Variants in KPNA3 observed in about 807,000 individuals in gnomAD.
KPNA3 encodes the protein karyopherin subunit alpha 3, also known as importin subunit alpha-4.
A neutral mutation model predicts 73.8 loss-of-function variants in KPNA3; 13 were observed. The observed-to-expected ratio is 0.18, with a 90% CI of 0.11 to 0.28. The LOEUF is 0.28. Among genes scored for constraint, KPNA3 ranks in the 10% least tolerant of loss-of-function variants. The pLI, the probability that KPNA3 is intolerant of heterozygous loss-of-function variation, is 1.00. For synonymous variants in KPNA3, 186 were observed against 206.9 expected (o/e 0.90, Z 0.87); for missense variants, 360 against 618.1 (o/e 0.58, Z 4.43).
intron 11 of KPNA3, among the ~76,000 whole-genome samples, chr13:49,709,984 G>A (rs1954244871): frequency 6.6e-6 from 1 of 152,162 alleles, no homozygotes; most frequent in South Asian, 2.1e-4. Context: ...TCTTAAGGCT[G>A]GGCATGGTGG....
At chr13:49,710,202 C>T (rs552993867) in intron 11 of KPNA3, among the ~76,000 whole-genome samples, 4 of 152,144 alleles carry the variant, frequency 2.6e-5, no homozygotes, top group African/African-American at 4.8e-5. Context: ...GCAGAGGCTG[C>T]GGTGAGCAGA....
At chr13:49,783,855 T>C (rs1954960414) in intron 1 of KPNA3, among the ~76,000 whole-genome samples, 1 of 152,208 alleles carries the variant, frequency 6.6e-6, no homozygotes, top group Non-Finnish European at 1.5e-5. Context: ...CGATCATTCT[T>C]ATTATCATTA....
intron 10 of KPNA3, among the ~76,000 whole-genome samples, chr13:49,712,894 A>C (rs995644614): frequency 2.6e-5 from 4 of 152,020 alleles, no homozygotes; most frequent in African/African-American, 9.7e-5. Flanking sequence ...GAAAAAAAAA[A>C]ACACAGGGAC....
Position 49,722,037 on chromosome 13 carries a change from G to A in KPNA3, c.644C>T (p.Thr215Ile), listed in dbSNP as rs768849258. The A allele has an allele frequency of 1.9e-6, 3 of 1,612,108 alleles. No homozygotes were observed. Among genetic ancestry groups the A allele is most frequent in the Non-Finnish European group, 2.5e-6 (3 of 1,178,660 alleles). The change falls in exon 9 of 17, where the codon ACC becomes ATC. Residue 215 changes from threonine (T) to isoleucine (I), a missense_variant. Coordinates refer to ENST00000261667, the MANE Select transcript of KPNA3 (RefSeq NM_002267.4). The stretch of plus-strand genomic sequence containing the variant: ...GACCCATGTGACGTTCCGAAGGAAG[G>A]TGATGGGGATGGAGGGACTGATGAA... ...LSFISPSIPI[T>I]FLRNVTWVIV...
At chr13:49,788,024 C>T (rs1359678197) in intron 1 of KPNA3, among the ~76,000 whole-genome samples, 1 of 152,184 alleles carries the variant, frequency 6.6e-6, no homozygotes, top group Non-Finnish European at 1.5e-5. Flanking sequence ...GGCTTTGCCA[C>T]TTAACACCCG....
chr13:49,703,206 C>T (rs112332160), intron 15 of KPNA3, among the ~76,000 whole-genome samples: 5 of 110,806 alleles, frequency 4.5e-5, no homozygotes, highest in African/African-American at 1.7e-4. Flanking sequence ...TTTTTTGAGA[C>T]GGAGTCTCAC....
rs1955043341 is a variant in KPNA3, at chr13:49,792,491, T to C, written c.16A>G (p.Ser6Gly). Reference protein sequence around the residue: MAENPSLENHRIKSFK... With the variant: MAENPGLENHRIKSFK... The stretch of plus-strand genomic sequence containing the variant: ...CTCTTGATGCGGTGGTTCTCCAAGC[T>C]GGGGTTCTCGGCCATGGCTGCGCGC... Residue 6 changes from serine (S) to glycine (G), a missense_variant, in exon 1 of 17, where the codon AGC (serine) becomes GGC (glycine). Transcript: ENST00000261667. The C allele has an allele frequency of 1.3e-6, 2 of 1,567,758 alleles. No individual in the cohort carries two copies. The highest frequency in any genetic ancestry group is 1.7e-6 in the Non-Finnish European group (2 of 1,155,966).
chr13:49,784,626 T>C (rs566827914), intron 1 of KPNA3, among the ~76,000 whole-genome samples: 3 of 152,338 alleles, frequency 2.0e-5, no homozygotes, highest in African/African-American at 7.2e-5. Flanking sequence ...TCACTATGTA[T>C]ATACCTTAAT....
chr13:49,702,115 GATTT>G, intron 16 of KPNA3, among the ~76,000 whole-genome samples: 1 of 152,234 alleles, frequency 6.6e-6, no homozygotes, highest in East Asian at 1.9e-4. Context: ...CTGGGACCTA[GATTT>G]ATTTAACCTA....
At chr13:49,710,217 G>A (rs533839874) in intron 11 of KPNA3, among the ~76,000 whole-genome samples, 4 of 152,216 alleles carry the variant, frequency 2.6e-5, no homozygotes, top group African/African-American at 9.6e-5. Flanking sequence ...AGCAGAGATC[G>A]CGCCACCATA....
chr13:49,765,221 A>C (rs139819942), intron 1 of KPNA3, among the ~76,000 whole-genome samples: 166 of 152,350 alleles, frequency 1.1e-3, no homozygotes, highest in African/African-American at 3.9e-3. Context: ...GTAATATGTA[A>C]CTTTTCAATG....
chr13:49,741,108 C>G (rs1954569849), intron 2 of KPNA3, among the ~76,000 whole-genome samples: 1 of 152,198 alleles, frequency 6.6e-6, no homozygotes, highest in South Asian at 2.1e-4. Context: ...CATGGGAGTG[C>G]AGGTATCTCT....
chr13:49,720,088 A>T (rs1313141377), intron 9 of KPNA3, among the ~76,000 whole-genome samples: 2 of 152,236 alleles, frequency 1.3e-5, no homozygotes, highest in African/African-American at 4.8e-5. Context: ...CCTTAAAATA[A>T]AAACATTTGT....
At chr13:49,753,955 A>G (rs138771532) in intron 1 of KPNA3, among the ~76,000 whole-genome samples, 5 of 152,216 alleles carry the variant, frequency 3.3e-5, no homozygotes, top group African/African-American at 1.2e-4. Flanking sequence ...ACATGCCCTG[A>G]CAATGTAGAC....
chr13:49,706,539 A>T (rs74760987), intron 12 of KPNA3, among the ~76,000 whole-genome samples, 167 bp from the exon 13 acceptor site: 1,842 of 152,300 alleles, frequency 0.012, 33 homozygotes, highest in African/African-American at 0.042. Context: ...ACAAGTTATA[A>T]GGAAATTTCC....
intron 15 of KPNA3, among the ~76,000 whole-genome samples, chr13:49,703,422 C>T (rs1049910410): frequency 4.1e-5 from 6 of 146,326 alleles, no homozygotes; most frequent in Non-Finnish European, 7.5e-5. Flanking sequence ...CCTCGTGATT[C>T]GCCCGCCTTG....
intron 1 of KPNA3, among the ~76,000 whole-genome samples, chr13:49,789,571 G>T (rs1261631120): frequency 6.6e-6 from 1 of 152,006 alleles, no homozygotes; most frequent in Non-Finnish European, 1.5e-5. Context: ...GAAAAAATAG[G>T]CATCATAGCT....
intron 1 of KPNA3, among the ~76,000 whole-genome samples, chr13:49,780,202 A>G (rs1360086753): frequency 4.6e-5 from 7 of 152,112 alleles, no homozygotes; most frequent in African/African-American, 1.7e-4. Flanking sequence ...TGATTTCATA[A>G]ATAAAGCTTT....
chr13:49,733,418 A>G (rs971367789), intron 2 of KPNA3, among the ~76,000 whole-genome samples: 1 of 151,116 alleles, frequency 6.6e-6, no homozygotes, highest in African/African-American at 2.4e-5. Flanking sequence ...ACTCCTGAGT[A>G]GCTGGGATTA....
Sources: gnomAD v4.1 joint callset for allele counts (sites outside exome capture counted in the v4.1 genomes callset) on GRCh38, gnomAD v4.1.1 for gene constraint, MANE v1.5 for transcripts, NCBI Gene and HGNC (gene_info 2026-07-23, HGNC 2026-07-21) for gene names.